MMAA: variants seen among roughly 807,000 people sequenced by gnomAD.
MMAA encodes methylmalonic aciduria type A protein, mitochondrial.
A neutral mutation model predicts 45.0 loss-of-function variants in MMAA; 41 were observed. The ratio of observed to expected loss-of-function variants is 0.91; its 90% CI spans 0.71 to 1.18. The LOEUF (loss-of-function observed/expected upper bound fraction) is 1.18. MMAA is among the 50% of genes most tolerant of loss of function. The pLI, the probability that MMAA is intolerant of heterozygous loss-of-function variation, is 0.00. For synonymous variants in MMAA, 154 were observed against 178.2 expected (o/e 0.86, Z 1.08); for missense variants, 460 against 495.7 (o/e 0.93, Z 0.68).
intron 1 of MMAA, among the ~76,000 whole-genome samples, chr4:145,638,823 A>T (rs1727695181): frequency 6.6e-6 from 1 of 152,212 alleles, no homozygotes; most frequent in African/African-American, 2.4e-5. Context: ...TTATTAGAAG[A>T]AAAAGTGTAA....
intron 4 of MMAA, chr4:145,650,833 A>G: frequency 1.8e-6 from 1 of 556,540 alleles, no homozygotes; most frequent in African/African-American, 1.9e-5. Context: ...TAGGTTCTCC[A>G]TTCAATCCAA....
chr4:145,654,240 C>T, intron 6 of MMAA, 97 bp downstream of exon 6: 1 of 1,403,756 alleles, frequency 7.1e-7, no homozygotes, highest in Non-Finnish European at 1.0e-6. Flanking sequence ...ATCAATCTTG[C>T]TTCTATGTGA....
intron 1 of MMAA, chr4:145,625,874 A>T (rs1243560998): frequency 1.4e-6 from 2 of 1,429,250 alleles, no homozygotes; most frequent in South Asian, 2.4e-5. Flanking sequence ...GGGTTATGCA[A>T]CTGTGAATCT....
At position 145,642,496 on chromosome 4, in the gene MMAA, CT is replaced by C; in HGVS notation, c.562+12del. On this transcript the variant is annotated intron_variant, in intron 3 of 6. Transcript: ENST00000649156. Reference sequence around the variant, plus strand: ...CTTGTACTAGTGGTGGTAAGTATGGCTGATTCTTTTTCAATTGCAGAGGTCT... The same window carrying C: ...CTTGTACTAGTGGTGGTAAGTATGGCGATTCTTTTTCAATTGCAGAGGTCT... 3 of 1,613,948 alleles carry C rather than the reference CT, an allele frequency of 1.9e-6. No homozygotes were observed. The highest frequency in any genetic ancestry group is 2.5e-6 in the Non-Finnish European group (3 of 1,179,932).
intron 2 of MMAA, 76 bp from the exon 3 acceptor site, chr4:145,642,283 CTAAT>C: frequency 2.7e-6 from 4 of 1,466,832 alleles, no homozygotes; most frequent in Non-Finnish European, 3.8e-6. Context: ...AGAAGGTAGT[CTAAT>C]ATTTTACTCA....
chr4:145,625,690 T>C (rs747760547), intron 1 of MMAA: 10 of 1,447,618 alleles, frequency 6.9e-6, no homozygotes, highest in Admixed American at 3.3e-5. Context: ...GAGACTTGAT[T>C]GGCTAGATCT....
At chr4:145,645,766 TTTGGTCAGGGGGAAG>T in intron 3 of MMAA, among the ~76,000 whole-genome samples, 1 of 152,174 alleles carries the variant, frequency 6.6e-6, no homozygotes, top group South Asian at 2.1e-4. Flanking sequence ...GATTGGAACC[TTTGGTCAGGGGGAAG>T]CTATAAATTA....
At chr4:145,632,985 G>A (rs1323885995) in intron 1 of MMAA, among the ~76,000 whole-genome samples, 1 of 151,626 alleles carries the variant, frequency 6.6e-6, no homozygotes, top group East Asian at 1.9e-4. Context: ...GGGTTCAAGG[G>A]ATCTGTATGC....
rs184111056 is a variant in MMAA, at chr4:145,655,413, A to G, written c.1236A>G (p.Lys412=). 142 of 1,611,702 alleles carry G rather than the reference A, an allele frequency of 8.8e-5. No homozygotes were observed. The Admixed American group carries it at 2.4e-3, about 27-fold the overall frequency. Reference sequence around the variant, plus strand: ...GACTAGCAGCAGACTTCTTGTTAAAAGCTTTTAAAAGCAGAGACTAATAAA... The same window carrying G: ...GACTAGCAGCAGACTTCTTGTTAAAGGCTTTTAAAAGCAGAGACTAATAAA... ...SPGLAADFLL[K]AFKSRD is the part of the protein sequence containing the mutation. Residue 412 remains lysine (K), a synonymous_variant, in exon 7 of 7, where the codon AAA becomes AAG. Transcript: ENST00000649156.
intron 2 of MMAA, among the ~76,000 whole-genome samples, chr4:145,640,781 T>G (rs922298196): frequency 6.6e-6 from 1 of 152,222 alleles, no homozygotes; most frequent in African/African-American, 2.4e-5. Flanking sequence ...TGTAAAACAA[T>G]TTAGATATGT....
intron 1 of MMAA, among the ~76,000 whole-genome samples, chr4:145,635,051 G>T (rs1024643164): frequency 1.3e-5 from 2 of 152,062 alleles, no homozygotes; most frequent in African/African-American, 4.8e-5. Flanking sequence ...TCCTTTTGCT[G>T]CTCCAGCTGG....
chr4:145,635,674 T>G (rs1727590795), intron 1 of MMAA, among the ~76,000 whole-genome samples: 1 of 152,194 alleles, frequency 6.6e-6, no homozygotes, highest in African/African-American at 2.4e-5. Flanking sequence ...TTTTAAATAG[T>G]TCTAATTTGC....
At chr4:145,648,052 G>A (rs1488443089) in intron 4 of MMAA, among the ~76,000 whole-genome samples, 2 of 150,100 alleles carry the variant, frequency 1.3e-5, no homozygotes. Flanking sequence ...GTAGAGACAG[G>A]GTTTCACCGT....
intron 1 of MMAA, chr4:145,624,295 A>G: frequency 1.3e-6 from 1 of 795,396 alleles, no homozygotes; most frequent in African/African-American, 1.7e-5. Flanking sequence ...AGGTGAATTA[A>G]GTAATACTTC....
chr4:145,651,312 T>G (rs1728081034), intron 5 of MMAA, among the ~76,000 whole-genome samples, 165 bp downstream of exon 5: 2 of 152,216 alleles, frequency 1.3e-5, no homozygotes, highest in African/African-American at 4.8e-5. Flanking sequence ...TCTATATTTT[T>G]TCCTAACTTA....
chr4:145,657,923 A>T lies in MMAA; in HGVS notation c.*2489A>T, dbSNP rs1419869229. ...AATCTTGGAGGTGGAGCCTGGTGGG[A>T]GGTGTATGGATTAGATCAGATCTCT... On this transcript the variant is annotated 3_prime_UTR_variant, in exon 7 of 7. Coordinates refer to ENST00000649156, the MANE Select transcript of MMAA (RefSeq NM_172250.3). 1 of 152,136 alleles carries T rather than the reference A, an allele frequency of 6.6e-6. No individual in the cohort carries two copies. Among genetic ancestry groups the T allele is most frequent in the East Asian group, 1.9e-4 (1 of 5,196 alleles). The allele number at this position is 152,136 out of a possible 1,614,324, so 9.4% of individuals were successfully genotyped here.
intron 1 of MMAA, among the ~76,000 whole-genome samples, chr4:145,630,290 A>AC (rs1413894021): frequency 1.3e-5 from 2 of 152,244 alleles, no homozygotes; most frequent in Non-Finnish European, 2.9e-5. Context: ...ATTGACATAT[A>AC]CTTGCTCATA....
chr4:145,619,974 C>A (rs1437206423), intron 1 of MMAA, among the ~76,000 whole-genome samples: 1 of 152,132 alleles, frequency 6.6e-6, no homozygotes, highest in Non-Finnish European at 1.5e-5. Flanking sequence ...ATATGTATTT[C>A]TCATTAGAAA....
intron 4 of MMAA, 91 bp downstream of exon 4, chr4:145,646,247 TA>T: frequency 2.8e-6 from 4 of 1,436,896 alleles, no homozygotes. Flanking sequence ...ATTCAGCAGA[TA>T]TTTGCTAAAT....
Sources: allele counts gnomAD v4.1 joint callset (sites outside exome capture counted in the v4.1 genomes callset), GRCh38; gene constraint gnomAD v4.1.1; transcripts MANE v1.5; gene names NCBI Gene and HGNC (gene_info 2026-07-23, HGNC 2026-07-21).